The following DCHS2 variants were observed in gnomAD, a reference collection of about 807,000 sequenced individuals.
DCHS2 encodes the protein protocadherin-23.
In DCHS2, 142 loss-of-function variants were observed where a neutral mutation model predicts 182.4. That is an observed-to-expected ratio of 0.78 (90% CI 0.68 to 0.89). DCHS2 has a LOEUF of 0.89. DCHS2 is among the 40% of genes least tolerant of loss of function. DCHS2 has a pLI of 0.00. For missense variants in DCHS2, 4,319 were observed against 4,198.6 expected, an observed-to-expected ratio of 1.03 and a Z score of -0.79; for synonymous variants, 1,740 against 1,663.3, an observed-to-expected ratio of 1.05 and a Z score of -1.12.
At chr4:154,256,570 T>C (rs1732684888) in intron 15 of DCHS2, among the ~76,000 whole-genome samples, 1 of 152,166 alleles carries the variant, frequency 6.6e-6, no homozygotes, top group Non-Finnish European at 1.5e-5. Flanking sequence ...TTTTACATCA[T>C]TCTCCATCAT....
rs1179533746 is a variant in DCHS2 at position 154,236,161 on chromosome 4, T to A, written c.8491A>T (p.Thr2831Ser). 1.2e-6 allele frequency: 2 copies of A among 1,613,680 alleles called. No homozygotes were observed. The highest frequency in any genetic ancestry group is 1.7e-6 in the Non-Finnish European group (2 of 1,179,962). ...DHDLFLIDPL[T>S]GDIHAKQILD... is the part of the protein sequence containing the mutation. ...ATTTGCTTAGCATGAATATCCCCTGTCAAAGGGTCAATGAGGAAGAGATCA... is the reference window on the plus strand; with the variant it reads ...ATTTGCTTAGCATGAATATCCCCTGACAAAGGGTCAATGAGGAAGAGATCA... Residue 2831 changes from threonine to serine, a missense_variant, in exon 20 of 20, where the codon ACA (threonine) becomes TCA (serine). Physicochemically the swap from Thr to Ser is moderately conservative, Grantham distance 58 (BLOSUM62 1). Coordinates refer to ENST00000357232, the MANE Select transcript of DCHS2 (RefSeq NM_001358235.2).
At chr4:154,361,431 A>C (rs965259987) in intron 3 of DCHS2, among the ~76,000 whole-genome samples, 1 of 152,192 alleles carries the variant, frequency 6.6e-6, no homozygotes, top group Non-Finnish European at 1.5e-5. Context: ...TAAAGAGAGC[A>C]CTTCAAACGA....
At chr4:154,337,547 C>T (rs1728867395) in intron 3 of DCHS2, among the ~76,000 whole-genome samples, 1 of 152,092 alleles carries the variant, frequency 6.6e-6, no homozygotes, top group Non-Finnish European at 1.5e-5. Flanking sequence ...TGGCCCCTCT[C>T]CCTCTCTGTA....
chr4:154,409,527 C>A (rs1732536957), intron 1 of DCHS2, among the ~76,000 whole-genome samples: 1 of 152,160 alleles, frequency 6.6e-6, no homozygotes, highest in Non-Finnish European at 1.5e-5. Flanking sequence ...GCCTCCTGAG[C>A]CTGAGCTGAC....
chr4:154,356,787 T>A (rs1729892115), intron 3 of DCHS2, among the ~76,000 whole-genome samples: 1 of 152,152 alleles, frequency 6.6e-6, no homozygotes, highest in Non-Finnish European at 1.5e-5. Flanking sequence ...CTTTATGATG[T>A]TCACACAACA....
At chr4:154,489,283 C>T in intron 1 of DCHS2, 21 bp downstream of exon 1, 2 of 1,479,548 alleles carry the variant, frequency 1.4e-6, no homozygotes, top group South Asian at 1.4e-5. Context: ...TCAGGTTGGC[C>T]CACAGGCCTG....
chr4:154,265,989 G>A (rs2111190605), intron 14 of DCHS2, among the ~76,000 whole-genome samples: 1 of 152,250 alleles, frequency 6.6e-6, no homozygotes, highest in South Asian at 2.1e-4. Flanking sequence ...GGCACAGTAA[G>A]AAATTAACAA....
At chr4:154,310,482 T>C (rs1735627952) in intron 10 of DCHS2, among the ~76,000 whole-genome samples, 1 of 152,214 alleles carries the variant, frequency 6.6e-6, no homozygotes, top group South Asian at 2.1e-4. Flanking sequence ...ATGAGAATGT[T>C]AGAGTGAACT....
At chr4:154,241,812 G>A (rs1392885179) in intron 17 of DCHS2, among the ~76,000 whole-genome samples, 2 of 152,152 alleles carry the variant, frequency 1.3e-5, no homozygotes, top group Non-Finnish European at 2.9e-5. Context: ...GGCAAAACTG[G>A]AGAATTTATT....
chr4:154,455,368 G>A (rs1734719456), intron 1 of DCHS2, among the ~76,000 whole-genome samples: 1 of 152,198 alleles, frequency 6.6e-6, no homozygotes, highest in East Asian at 1.9e-4. Flanking sequence ...ATCATAGGAA[G>A]GAAGAGATGG....
chr4:154,269,911 C>A lies in DCHS2; in HGVS notation c.6566G>T (p.Cys2189Phe), dbSNP rs577146168. 43 of 1,611,366 alleles carry A rather than the reference C, an allele frequency of 2.7e-5. No individual in the cohort carries two copies. The highest frequency in any genetic ancestry group is 3.6e-5 in the Non-Finnish European group (43 of 1,178,828). The change falls in exon 14 of 20, where the codon TGC becomes TTC. Residue 2189 changes from cysteine (C) to phenylalanine (F), a missense_variant. Physicochemically the swap from Cys to Phe is radical, Grantham distance 205 (BLOSUM62 -2). Transcript: ENST00000357232. Reference protein sequence around the residue: ...SGNEDGVLSLCSKSGQLTVKE... With the variant: ...SGNEDGVLSLFSKSGQLTVKE... The stretch of plus-strand genomic sequence containing the variant: ...TAGAGAAGGATTACCTGACTTAGAG[C>A]ACAGGGAAAGAACTCCATCTTCATT...
At chr4:154,313,975 C>T (rs563670309) in intron 10 of DCHS2, among the ~76,000 whole-genome samples, 2 of 152,104 alleles carry the variant, frequency 1.3e-5, no homozygotes, top group Non-Finnish European at 2.9e-5. Context: ...CACTGGGCAA[C>T]TTGACAGTAA....
chr4:154,414,487 C>CTTTTTTT (rs375818839), intron 1 of DCHS2, among the ~76,000 whole-genome samples: 2 of 73,758 alleles, frequency 2.7e-5, no homozygotes, highest in Non-Finnish European at 2.9e-5. Flanking sequence ...ATACAGCTTT[C>CTTTTTTT]TTTTTTTTTT....
rs2111130335 is a variant in DCHS2, at chr4:154,248,931, T to C, written c.6942-6159A>G. On this transcript the variant is annotated intron_variant, in intron 16 of 19. Transcript: ENST00000357232. Reference sequence around the variant, plus strand: ...CTTACCTTTTACCATATACAAAAATTGACTGAAGATGAATTGAAGATTTAA... The same window carrying C: ...CTTACCTTTTACCATATACAAAAATCGACTGAAGATGAATTGAAGATTTAA... 1.3e-5 allele frequency among the ~76,000 whole-genome samples: 2 copies of C among 152,220 alleles called. 1 individual carries two copies. The highest frequency in any genetic ancestry group is 4.8e-5 in the African/African-American group (2 of 41,556).
chr4:154,386,586 G>A (rs1215666588), intron 1 of DCHS2, among the ~76,000 whole-genome samples: 1 of 151,806 alleles, frequency 6.6e-6, no homozygotes, highest in African/African-American at 2.4e-5. Context: ...ATAATAACAT[G>A]TCTTCCCCAC....
intron 1 of DCHS2, among the ~76,000 whole-genome samples, chr4:154,471,577 G>A (rs546236901): frequency 6.6e-6 from 1 of 152,202 alleles, no homozygotes; most frequent in Admixed American, 6.5e-5. Flanking sequence ...ATCCAGGGTT[G>A]AATTTAATAT....
intron 9 of DCHS2, 56 bp downstream of exon 9, chr4:154,320,323 T>C: frequency 2.6e-6 from 4 of 1,546,182 alleles, no homozygotes; most frequent in Non-Finnish European, 3.5e-6. Flanking sequence ...GGGTCTCATG[T>C]TTTCTTACCA....
In DCHS2 at chr4:154,233,193, C is replaced by T. The variant is rs560462072; in HGVS notation, c.*1343G>A. ...AACTGTTAGCCTAACACCTGGCCCT[C>T]ATGCTGACCACAGGAAGAGGACTTC... is the stretch of plus-strand genomic sequence containing the variant. On this transcript the variant is annotated 3_prime_UTR_variant, in exon 20 of 20. Transcript: ENST00000357232. 4 of 152,186 alleles carry T rather than the reference C, an allele frequency of 2.6e-5. No homozygotes were observed. The highest frequency in any genetic ancestry group is 4.4e-5 in the Non-Finnish European group (3 of 68,030). 9.4% of individuals were successfully genotyped at this position (152,186 alleles called of 1,614,324 possible). A position where few individuals can be genotyped will look rare whatever the true frequency, so the allele number is the denominator to read the frequency against.
Position 154,239,150 on chromosome 4 carries a change from T to G in DCHS2, c.7492+20A>C, listed in dbSNP as rs375199603. 28 of 1,605,358 alleles carry G rather than the reference T, an allele frequency of 1.7e-5. No individual in the cohort carries two copies. Among genetic ancestry groups the G allele is most frequent in the Non-Finnish European group, 2.0e-5 (24 of 1,176,298 alleles). Reference sequence around the variant, plus strand: ...TGAAACCCAAACCTATGAGCATTAATGCAATTATAAATAACTCACCATTCT... The same window carrying G: ...TGAAACCCAAACCTATGAGCATTAAGGCAATTATAAATAACTCACCATTCT... On this transcript the variant is annotated intron_variant, in intron 19 of 19. Transcript: ENST00000357232.
Sources: allele counts gnomAD v4.1 joint callset (sites outside exome capture counted in the v4.1 genomes callset), GRCh38; gene constraint gnomAD v4.1.1; transcripts MANE v1.5; gene names NCBI Gene and HGNC (gene_info 2026-07-23, HGNC 2026-07-21).